OSBPL2: variants seen among roughly 807,000 people sequenced by gnomAD.
OSBPL2 encodes the protein oxysterol-binding protein-related protein 2.
OSBPL2 carries 18 observed loss-of-function variants against 58.4 expected under a neutral mutation model. That is an observed-to-expected ratio of 0.31 (90% CI 0.21 to 0.46). The LOEUF is 0.46. Ranked by LOEUF, OSBPL2 falls within the 20% of genes least tolerant of loss-of-function variation. The probability of loss-of-function intolerance (pLI) is 1.00; values close to 1 mark genes in which losing one functional copy is unlikely to be tolerated. For synonymous variants in OSBPL2, 221 were observed against 234.1 expected (o/e 0.94, Z 0.51); for missense variants, 461 against 616.5 (o/e 0.75, Z 2.67).
intron 13 of OSBPL2, among the ~76,000 whole-genome samples, chr20:62,292,361 A>C (rs1314344820): frequency 6.6e-6 from 1 of 152,074 alleles, no homozygotes; most frequent in Non-Finnish European, 1.5e-5. Context: ...GCTGATCTTC[A>C]CCCCATGACC....
chr20:62,281,726 C>A (rs1568848635), intron 8 of OSBPL2, 64 bp from the exon 9 acceptor site: 2 of 1,281,872 alleles, frequency 1.6e-6, no homozygotes, highest in Non-Finnish European at 2.3e-6. Flanking sequence ...TCTCCTGTTA[C>A]AGAGTTACCC....
chr20:62,250,645 G>A (rs1980461950), intron 1 of OSBPL2, among the ~76,000 whole-genome samples: 1 of 152,186 alleles, frequency 6.6e-6, no homozygotes, highest in Non-Finnish European at 1.5e-5. Context: ...AGCGGGCCAG[G>A]TGCAGTGGCT....
At chr20:62,289,140 G>A in intron 11 of OSBPL2, 67 bp from the exon 12 acceptor site, 1 of 1,571,342 alleles carries the variant, frequency 6.4e-7, no homozygotes, top group South Asian at 1.1e-5. Flanking sequence ...GCCCACTGGG[G>A]GTCTTGGAGC....
Position 62,256,194 on chromosome 20 carries a change from G to C in OSBPL2, c.10G>C (p.Glu4Gln). MNG[E>Q]EEFFDAVTGF... Reference sequence around the variant, plus strand: ...GGCTGGCTGCTGAAGGATGAACGGAGAGGAAGAATTCTTTGATGCCGTCAC... The same window carrying C: ...GGCTGGCTGCTGAAGGATGAACGGACAGGAAGAATTCTTTGATGCCGTCAC... Residue 4 changes from glutamate to glutamine, a missense_variant, in exon 2 of 14, where the codon GAG becomes CAG. This residue lies in a region of OSBPL2 where 80 missense variants were observed against 74.8 expected (regional missense o/e 1.07). Transcript: ENST00000313733. 1 of 1,614,008 alleles carries C rather than the reference G, an allele frequency of 6.2e-7. No individual in the cohort carries two copies. The highest frequency in any genetic ancestry group is 8.5e-7 in the Non-Finnish European group (1 of 1,179,916).
intron 9 of OSBPL2, 134 bp downstream of exon 9, chr20:62,282,013 C>G (rs1346149723): frequency 3.9e-6 from 2 of 513,646 alleles, no homozygotes; most frequent in Non-Finnish European, 7.3e-6. Flanking sequence ...TGTTCATGGT[C>G]CAGAAGTATG....
chr20:62,272,371 C>A (rs370998793), intron 5 of OSBPL2, 112 bp downstream of exon 5: 63 of 1,210,370 alleles, frequency 5.2e-5, no homozygotes, highest in East Asian at 3.1e-4. Context: ...ACAGCTCCCC[C>A]CAGTGTTCAG....
chr20:62,283,245 C>T (rs569693531), intron 9 of OSBPL2, among the ~76,000 whole-genome samples: 1 of 152,342 alleles, frequency 6.6e-6, no homozygotes, highest in South Asian at 2.1e-4. Flanking sequence ...TTTAAGGGTG[C>T]TCTGTCCTTG....
intron 6 of OSBPL2, among the ~76,000 whole-genome samples, chr20:62,275,912 AT>A (rs11472724): frequency 1.8e-3 from 259 of 143,248 alleles, no homozygotes; most frequent in African/African-American, 6.0e-3. Context: ...ATGATTGAGA[AT>A]TTTTTTTTTT....
At chr20:62,279,899 A>G (rs1982669554) in intron 7 of OSBPL2, 2 of 1,261,306 alleles carry the variant, frequency 1.6e-6, no homozygotes, top group Non-Finnish European at 2.1e-6. Context: ...CCCTGTGCTC[A>G]TGTGGCAGGG....
chr20:62,246,172 G>C (rs1046739214), intron 1 of OSBPL2, among the ~76,000 whole-genome samples: 1 of 152,252 alleles, frequency 6.6e-6, no homozygotes, highest in East Asian at 1.9e-4. Flanking sequence ...CTCTGGTGGG[G>C]CTGGTCACAG....
In OSBPL2 at chr20:62,258,777, C is replaced by T. The variant is rs574512660; in HGVS notation, c.38-1204C>T. Among the ~76,000 whole-genome samples the T allele has an allele frequency of 5.3e-5, 8 of 152,250 alleles. No homozygotes were observed. In the South Asian group the frequency reaches 1.7e-3, roughly 32 times the overall value. On this transcript the variant is annotated intron_variant, in intron 2 of 13. Transcript: ENST00000313733. Reference sequence around the variant, plus strand: ...CGGGGTGGGGGCAGGTCCTGCCCCACGGAATTCCCTTAAGTAGGGAATGTT... The same window carrying T: ...CGGGGTGGGGGCAGGTCCTGCCCCATGGAATTCCCTTAAGTAGGGAATGTT...
chr20:62,258,083 C>T (rs1411869155), intron 2 of OSBPL2, among the ~76,000 whole-genome samples: 3 of 152,136 alleles, frequency 2.0e-5, no homozygotes, highest in Admixed American at 6.6e-5. Flanking sequence ...ATGTGGTACT[C>T]AGATGGACTC....
intron 1 of OSBPL2, among the ~76,000 whole-genome samples, chr20:62,240,084 C>T (rs985137645): frequency 6.6e-6 from 1 of 152,118 alleles, no homozygotes; most frequent in African/African-American, 2.4e-5. Context: ...AACTCCTAAC[C>T]TCAAGGGATC....
At chr20:62,250,663 G>A (rs1358498032) in intron 1 of OSBPL2, among the ~76,000 whole-genome samples, 9 of 151,960 alleles carry the variant, frequency 5.9e-5, no homozygotes, top group Non-Finnish European at 4.4e-5. Flanking sequence ...GCTCACATCT[G>A]GAGTCCCAGC....
intron 6 of OSBPL2, among the ~76,000 whole-genome samples, chr20:62,277,930 T>C (rs1200530419): frequency 6.6e-6 from 1 of 152,152 alleles, no homozygotes. Flanking sequence ...TCAGGGGCCT[T>C]GTAGAAAGAC....
At chr20:62,264,126 A>G (rs1185979170) in intron 4 of OSBPL2, among the ~76,000 whole-genome samples, 2 of 152,064 alleles carry the variant, frequency 1.3e-5, no homozygotes, top group Non-Finnish European at 2.9e-5. Context: ...TGAGATTAAG[A>G]CAATAAAACA....
At chr20:62,279,884 C>T (rs1982668815) in intron 7 of OSBPL2, 4 of 1,181,324 alleles carry the variant, frequency 3.4e-6, no homozygotes, top group Non-Finnish European at 4.5e-6. Flanking sequence ...TTGCACACTC[C>T]CCCACCCTGT....
intron 9 of OSBPL2, 36 bp downstream of exon 9, chr20:62,281,915 C>T (rs761259057): frequency 4.9e-6 from 7 of 1,416,962 alleles, no homozygotes; most frequent in Middle Eastern, 1.8e-4. Flanking sequence ...GGCACCACTA[C>T]AGCCTGTGTG....
Position 62,248,163 on chromosome 20 carries a change from T to C in OSBPL2, c.-128-7894T>C, listed in dbSNP as rs1413527357. ...CTTTTTTCTTTTCTTTTCTTTTTTT[T>C]TTTTTTTTTGTGACAGGGTCTCGCT... is the stretch of plus-strand genomic sequence containing the variant. On this transcript the variant is annotated intron_variant, in intron 1 of 13. Coordinates refer to ENST00000313733, the MANE Select transcript of OSBPL2 (RefSeq NM_144498.4). 4.7e-5 allele frequency among the ~76,000 whole-genome samples: 7 copies of C among 147,472 alleles called. No homozygotes were observed. In the East Asian group the frequency reaches 1.4e-3, roughly 29 times the overall value.
Sources: allele counts gnomAD v4.1 joint callset (sites outside exome capture counted in the v4.1 genomes callset), GRCh38; gene constraint gnomAD v4.1.1; regional missense constraint gnomAD v4.1.1; transcripts MANE v1.5; gene names NCBI Gene and HGNC (gene_info 2026-07-23, HGNC 2026-07-21).